The following TNFRSF19 variants were observed in gnomAD, a reference collection of about 807,000 sequenced individuals.
TNFRSF19 encodes tumor necrosis factor receptor superfamily member 19.
TNFRSF19 carries 27 observed loss-of-function variants against 46.4 expected under a neutral mutation model. That is an observed-to-expected ratio of 0.58 (90% CI 0.43 to 0.80). The LOEUF is 0.80. Among genes scored for constraint, TNFRSF19 ranks in the 30% least tolerant of loss-of-function variants. The probability of loss-of-function intolerance (pLI) is 0.00; values close to 1 mark genes in which losing one functional copy is unlikely to be tolerated. For synonymous variants in TNFRSF19, 204 were observed against 205.0 expected (o/e 1.00, Z 0.04); for missense variants, 511 against 530.8 (o/e 0.96, Z 0.37).
chr13:23,668,079 C>T lies in TNFRSF19; in HGVS notation c.836C>T (p.Ala279Val). Residue 279 changes from alanine (A) to valine (V), a missense_variant, in exon 8 of 10, where the codon GCA becomes GTA. This residue lies in a region of TNFRSF19 where 376 missense variants were observed against 372.7 expected (regional missense o/e 1.01). Transcript: ENST00000248484. Reference sequence around the variant, plus strand: ...GTGCATTCTGCAGCCAGTCTTCAGGCAAGGTAACTAGGTGCTTTCAATCAA... The same window carrying T: ...GTGCATTCTGCAGCCAGTCTTCAGGTAAGGTAACTAGGTGCTTTCAATCAA... ...CGVHSAASLQ[A>V]RNAGPAGEMV... 6.2e-7 allele frequency: 1 copy of T among 1,602,432 alleles called. No individual in the cohort carries two copies. The highest frequency in any genetic ancestry group is 8.5e-7 in the Non-Finnish European group (1 of 1,174,546).
intron 3 of TNFRSF19, among the ~76,000 whole-genome samples, chr13:23,600,387 C>T (rs1880048793): frequency 6.6e-6 from 1 of 152,158 alleles, no homozygotes; most frequent in South Asian, 2.1e-4. Context: ...TATTGACAGC[C>T]TGCTGTAGCC....
intron 3 of TNFRSF19, among the ~76,000 whole-genome samples, chr13:23,605,087 A>C (rs1420556869): frequency 6.6e-6 from 1 of 152,228 alleles, no homozygotes. Flanking sequence ...ACTGTTATTC[A>C]AAACATACAA....
chr13:23,605,223 A>G (rs913337285), intron 3 of TNFRSF19, among the ~76,000 whole-genome samples: 1 of 152,216 alleles, frequency 6.6e-6, no homozygotes, highest in Non-Finnish European at 1.5e-5. Flanking sequence ...TCCATATAGT[A>G]TGTCATCAGG....
chr13:23,579,483 G>A (rs1181235049), intron 1 of TNFRSF19: 1 of 152,500 alleles, frequency 6.6e-6, no homozygotes, highest in Non-Finnish European at 1.5e-5. Context: ...GCGCCCCTGA[G>A]CCTCGGGCTC....
In TNFRSF19 at chr13:23,675,994, C is replaced by T. The variant is rs1029579409; in HGVS notation, c.*2614C>T. On this transcript the variant is annotated 3_prime_UTR_variant, in exon 10 of 10. Coordinates refer to ENST00000248484, the MANE Select transcript of TNFRSF19 (RefSeq NM_148957.4). Reference sequence around the variant, plus strand: ...TATATCAATTTAGATTTCATCATTACTATTTTGCATACTGGAATTTATAAA... The same window carrying T: ...TATATCAATTTAGATTTCATCATTATTATTTTGCATACTGGAATTTATAAA... 1 of 152,162 alleles carries T rather than the reference C, an allele frequency of 6.6e-6. No homozygotes were observed. Among genetic ancestry groups the T allele is most frequent in the Non-Finnish European group, 1.5e-5 (1 of 68,040 alleles). 9.4% of individuals were successfully genotyped at this position (152,162 alleles called of 1,614,324 possible). A position where few individuals can be genotyped will look rare whatever the true frequency, so the allele number is the denominator to read the frequency against.
chr13:23,672,269 C>T (rs1232624080), intron 9 of TNFRSF19, among the ~76,000 whole-genome samples: 1 of 152,120 alleles, frequency 6.6e-6, no homozygotes, highest in African/African-American at 2.4e-5. Flanking sequence ...CACATCTCTC[C>T]AGAAGGGAAC....
chr13:23,673,218 G>A (rs1352754007), intron 9 of TNFRSF19, among the ~76,000 whole-genome samples, 154 bp from the exon 10 acceptor site: 3 of 152,148 alleles, frequency 2.0e-5, no homozygotes, highest in South Asian at 4.2e-4. Flanking sequence ...TGGATATTTG[G>A]ATACTATTGA....
At chr13:23,664,045 G>A (rs1712043013) in intron 7 of TNFRSF19, among the ~76,000 whole-genome samples, 2 of 151,898 alleles carry the variant, frequency 1.3e-5, no homozygotes, top group Non-Finnish European at 2.9e-5. Flanking sequence ...TGGCTTTAGG[G>A]GTGAGGTAAT....
intron 3 of TNFRSF19, among the ~76,000 whole-genome samples, chr13:23,601,833 C>T (rs1880183757): frequency 6.6e-6 from 1 of 152,066 alleles, no homozygotes; most frequent in Non-Finnish European, 1.5e-5. Context: ...TATAGTGCAA[C>T]CTCTAGGGCA....
rs773108628 is a variant in TNFRSF19, at chr13:23,590,170, A to G, written c.-14A>G. 3 of 1,557,874 alleles carry G rather than the reference A, an allele frequency of 1.9e-6. No individual in the cohort carries two copies. The highest frequency in any genetic ancestry group is 1.2e-5 in the South Asian group (1 of 85,398). On this transcript the variant is annotated 5_prime_UTR_variant, in exon 2 of 10. Transcript: ENST00000248484. ...TTTAGAACTCTCCAACAATAAATAC[A>G]TTTGATAAGAAAGATGGCTTTAAAA...
chr13:23,675,843 A>T lies in TNFRSF19; in HGVS notation c.*2463A>T, dbSNP rs1451749467. ...AATTTTCTAATTTTGTGTATATGGA[A>T]TATATTTTTAAATAGAGATTTTTCT... On this transcript the variant is annotated 3_prime_UTR_variant, in exon 10 of 10. Coordinates refer to ENST00000248484, the MANE Select transcript of TNFRSF19 (RefSeq NM_148957.4). The T allele has an allele frequency of 6.6e-6, 1 of 152,202 alleles. No individual in the cohort carries two copies. The highest frequency in any genetic ancestry group is 2.4e-5 in the African/African-American group (1 of 41,468). 9.4% of individuals were successfully genotyped at this position (152,202 alleles called of 1,614,324 possible). A position where few individuals can be genotyped will look rare whatever the true frequency, so the allele number is the denominator to read the frequency against.
chr13:23,591,972 A>T (rs1879342384), intron 2 of TNFRSF19, among the ~76,000 whole-genome samples: 1 of 151,946 alleles, frequency 6.6e-6, no homozygotes, highest in Non-Finnish European at 1.5e-5. Flanking sequence ...TGATCTGCCC[A>T]CCTGGGCCTT....
intron 7 of TNFRSF19, 45 bp from the exon 8 acceptor site, chr13:23,667,935 G>A: frequency 6.7e-7 from 1 of 1,490,168 alleles, no homozygotes; most frequent in Non-Finnish European, 9.0e-7. Flanking sequence ...AGTGAAAGCT[G>A]CCAGAAGGAG....
intron 7 of TNFRSF19, among the ~76,000 whole-genome samples, chr13:23,666,910 T>C (rs1951645052): frequency 6.6e-6 from 1 of 152,166 alleles, no homozygotes; most frequent in Admixed American, 6.5e-5. Context: ...TGTAGTTTCA[T>C]AATTTTTTTC....
chr13:23,638,588 A>C (rs1882843429), intron 5 of TNFRSF19, among the ~76,000 whole-genome samples: 1 of 152,210 alleles, frequency 6.6e-6, no homozygotes, highest in African/African-American at 2.4e-5. Context: ...ATCTGGAAGC[A>C]AGATGGAAAG....
chr13:23,574,957 T>C (rs541407153), intron 1 of TNFRSF19, among the ~76,000 whole-genome samples: 1 of 152,356 alleles, frequency 6.6e-6, no homozygotes, highest in South Asian at 2.1e-4. Flanking sequence ...GGAGAAGTCA[T>C]GTGGGGGTTT....
At chr13:23,606,038 G>T (rs1203436659) in intron 3 of TNFRSF19, among the ~76,000 whole-genome samples, 1 of 152,126 alleles carries the variant, frequency 6.6e-6, no homozygotes, top group Non-Finnish European at 1.5e-5. Context: ...CTTTGTGTGT[G>T]GCGGGGGAGG....
chr13:23,622,990 C>T (rs182543300), intron 4 of TNFRSF19, among the ~76,000 whole-genome samples: 3 of 152,284 alleles, frequency 2.0e-5, no homozygotes, highest in East Asian at 1.9e-4. Flanking sequence ...AATTTACCAT[C>T]TTCACCATTT....
chr13:23,632,820 G>A (rs1271058776), intron 5 of TNFRSF19, among the ~76,000 whole-genome samples: 1 of 152,168 alleles, frequency 6.6e-6, no homozygotes, highest in Non-Finnish European at 1.5e-5. Flanking sequence ...CAGCCATGGT[G>A]GAGAGGATTA....
Sources: gnomAD v4.1 joint callset for allele counts (sites outside exome capture counted in the v4.1 genomes callset) on GRCh38, gnomAD v4.1.1 for gene constraint, gnomAD v4.1.1 regional missense constraint, MANE v1.5 for transcripts, NCBI Gene and HGNC (gene_info 2026-07-23, HGNC 2026-07-21) for gene names.